The following MCCC1 variants were observed in gnomAD, a reference collection of about 807,000 sequenced individuals.
MCCC1 encodes the protein methylcrotonoyl-CoA carboxylase subunit alpha, mitochondrial.
Under a neutral mutation model 83.8 loss-of-function variants are expected in MCCC1, and 64 were observed. The ratio of observed to expected loss-of-function variants is 0.76; its 90% confidence interval spans 0.62 to 0.94. The LOEUF is 0.94. Among genes scored for constraint, MCCC1 ranks in the 40% least tolerant of loss-of-function variants. The probability of loss-of-function intolerance (pLI) is 0.00; values close to 1 mark genes in which losing one functional copy is unlikely to be tolerated. For missense variants in MCCC1, 807 were observed against 904.7 expected, an observed-to-expected ratio of 0.89 and a Z score of 1.39; for synonymous variants, 322 against 315.4, an observed-to-expected ratio of 1.02 and a Z score of -0.22.
rs1452672183 is a variant in MCCC1, at chr3:183,034,467, AAAC to A, written c.1595-393_1595-391del. 1.3e-4 allele frequency among the ~76,000 whole-genome samples: 19 copies of A among 150,944 alleles called. 1 individual carries two copies. In the East Asian group the frequency reaches 3.3e-3, roughly 26 times the overall value. On this transcript the variant is annotated intron_variant, in intron 13 of 18. Coordinates refer to ENST00000265594, the MANE Select transcript of MCCC1 (RefSeq NM_020166.5). The stretch of plus-strand genomic sequence containing the variant: ...AAGACTCCGTCTCAAAAAAAAAAAA[AAAC>A]AAAAAAACACACGTCCTAAACTGGC...
intron 4 of MCCC1, among the ~76,000 whole-genome samples, chr3:183,076,140 T>C (rs753510126): frequency 1.3e-5 from 2 of 152,238 alleles, no homozygotes; most frequent in Admixed American, 6.5e-5. Context: ...ATTGGATCAC[T>C]ACAATCCAGT....
intron 14 of MCCC1, among the ~76,000 whole-genome samples, chr3:183,033,671 G>A (rs905143623): frequency 2.6e-5 from 4 of 151,814 alleles, no homozygotes; most frequent in African/African-American, 9.7e-5. Context: ...ACAAAGAATT[G>A]GGGAAAAAGA....
In MCCC1 at chr3:183,034,188, T is replaced by C. The variant is rs112025174; in HGVS notation, c.1595-111A>G. ...AGTGCTGGCCGGGCACAGTGGCTCA[T>C]GCCTGTAATCCCAGCACTTTGGGAG... On this transcript the variant is annotated intron_variant, in intron 13 of 18. Coordinates refer to ENST00000265594, the MANE Select transcript of MCCC1 (RefSeq NM_020166.5). 3,787 of 764,262 alleles carry C rather than the reference T, an allele frequency of 5.0e-3. 23 individuals carry two copies. The highest frequency in any genetic ancestry group is 0.023 in the African/African-American group (1,317 of 58,384). The allele number at this position is 764,262 out of a possible 1,614,324, so 47.3% of individuals were successfully genotyped here. A position where few individuals can be genotyped will look rare whatever the true frequency, so the allele number is the denominator to read the frequency against.
chr3:183,109,803 T>C (rs1454001336), intron 1 of MCCC1, among the ~76,000 whole-genome samples: 2 of 152,240 alleles, frequency 1.3e-5, no homozygotes, highest in East Asian at 3.8e-4. Flanking sequence ...ATGGTAGTTC[T>C]GTTTTAAGTT....
intron 10 of MCCC1, among the ~76,000 whole-genome samples, chr3:183,044,514 G>A (rs189492339): frequency 1.3e-5 from 2 of 152,240 alleles, no homozygotes; most frequent in East Asian, 1.9e-4. Flanking sequence ...CCATAAATCC[G>A]CACTTTACTT....
rs1167369024 is a variant in MCCC1 at position 183,071,020 on chromosome 3, T to G, written c.740A>C (p.Glu247Ala). 2 of 1,614,024 alleles carry G rather than the reference T, an allele frequency of 1.2e-6. No homozygotes were observed. The highest frequency in any genetic ancestry group is 2.7e-5 in the African/African-American group (2 of 74,926). The change falls in exon 7 of 19, where the codon GAG becomes GCG. Residue 247 changes from glutamate to alanine, a missense_variant. Physicochemically the swap from Glu to Ala is moderately radical, Grantham distance 107 (BLOSUM62 -1). Coordinates refer to ENST00000265594, the MANE Select transcript of MCCC1 (RefSeq NM_020166.5). ...KSFNDDAMLI[E>A]KFVDTPRHVE... ...CCACCTCGGTGTGTCTACAAACTTC[T>G]CGATCAGCATAGCATCATCATTGAA...
At chr3:183,082,534 C>T (rs1055503406) in intron 4 of MCCC1, among the ~76,000 whole-genome samples, 1 of 152,230 alleles carries the variant, frequency 6.6e-6, no homozygotes, top group African/African-American at 2.4e-5. Context: ...CACAAGCATT[C>T]CAGAGACTGC....
rs544711245 is a variant in MCCC1, at chr3:183,072,347, A to T, written c.491+19T>A. The T allele has an allele frequency of 1.9e-6, 3 of 1,613,072 alleles. No homozygotes were observed. In the African/African-American group the frequency reaches 4.0e-5, roughly 22 times the overall value. On this transcript the variant is annotated intron_variant, in intron 5 of 18. Transcript: ENST00000265594. Reference sequence around the variant, plus strand: ...ACTGACCTTCATACAGTTATATTTTAAAAGATATAAACTCATACCTCTTTA... The same window carrying T: ...ACTGACCTTCATACAGTTATATTTTTAAAGATATAAACTCATACCTCTTTA...
At chr3:183,056,165 T>C (rs1715408797) in intron 8 of MCCC1, among the ~76,000 whole-genome samples, 1 of 152,182 alleles carries the variant, frequency 6.6e-6, no homozygotes, top group Admixed American at 6.6e-5. Context: ...GCAATTTCTA[T>C]TGACATTTAA....
intron 1 of MCCC1, among the ~76,000 whole-genome samples, chr3:183,097,545 C>T (rs1718831749): frequency 1.3e-5 from 2 of 152,176 alleles, no homozygotes; most frequent in African/African-American, 2.4e-5. Flanking sequence ...CAAGTGTGTG[C>T]CACTACGCCT....
At chr3:183,095,502 G>A (rs942083595) in intron 1 of MCCC1, among the ~76,000 whole-genome samples, 1 of 152,174 alleles carries the variant, frequency 6.6e-6, no homozygotes, top group Non-Finnish European at 1.5e-5. Flanking sequence ...ATTCTCATCC[G>A]AGTCCCTCCA....
intron 1 of MCCC1, among the ~76,000 whole-genome samples, chr3:183,107,217 C>A (rs938765195): frequency 6.6e-6 from 1 of 151,726 alleles, no homozygotes; most frequent in African/African-American, 2.4e-5. Context: ...CCAGCCTGGC[C>A]AACATGGTGA....
At chr3:183,100,995 C>T (rs1237717501), upstream of MCCC1, among the ~76,000 whole-genome samples, 1 of 152,254 alleles carries the variant, frequency 6.6e-6, no homozygotes, top group Non-Finnish European at 1.5e-5. Flanking sequence ...CTCGGAACAG[C>T]CAGCCAGCCC....
chr3:183,063,037 G>A (rs145594861), intron 7 of MCCC1, among the ~76,000 whole-genome samples: 107 of 152,144 alleles, frequency 7.0e-4, no homozygotes, highest in African/African-American at 2.5e-3. Flanking sequence ...AGGCTGTAGT[G>A]CAGTGGTGTG....
At chr3:183,050,683 G>A (rs2108494539) in intron 9 of MCCC1, among the ~76,000 whole-genome samples, 1 of 136,984 alleles carries the variant, frequency 7.3e-6, no homozygotes, top group East Asian at 2.1e-4. Context: ...TCCAGCCTGG[G>A]AGACAGAGTG....
chr3:183,015,700 C>T, intron 18 of MCCC1, 134 bp from the exon 19 acceptor site: 1 of 1,051,278 alleles, frequency 9.5e-7, no homozygotes, highest in East Asian at 2.4e-5. Context: ...CGGTGCTTTC[C>T]AACGCTTTGT....
intron 7 of MCCC1, among the ~76,000 whole-genome samples, chr3:183,059,629 G>A (rs887725053): frequency 1.3e-5 from 2 of 152,090 alleles, no homozygotes; most frequent in Admixed American, 1.3e-4. Context: ...CCAAGTTTCT[G>A]ACCTAAAACA....
chr3:183,086,826 G>A (rs558066346), intron 3 of MCCC1, 38 bp from the exon 4 acceptor site: 2 of 1,570,416 alleles, frequency 1.3e-6, no homozygotes, highest in South Asian at 2.3e-5. Context: ...AGACTTTGTG[G>A]CTAGTACATA....
At chr3:183,056,630 C>CA (rs1041952111) in intron 8 of MCCC1, among the ~76,000 whole-genome samples, 9 of 152,146 alleles carry the variant, frequency 5.9e-5, no homozygotes, top group African/African-American at 1.2e-4. Flanking sequence ...GGCTTTTCCA[C>CA]AAAAAATAGA....
Sources: gnomAD v4.1 joint callset for allele counts (sites outside exome capture counted in the v4.1 genomes callset) on GRCh38, gnomAD v4.1.1 for gene constraint, MANE v1.5 for transcripts, NCBI Gene and HGNC (gene_info 2026-07-23, HGNC 2026-07-21) for gene names.